Variants in MYCT1 observed in about 807,000 individuals in gnomAD.
The protein encoded by MYCT1 is MYC target 1, also known as myc target protein 1.
Under a neutral mutation model 15.0 loss-of-function variants are expected in MYCT1, and 12 were observed. The observed-to-expected ratio is 0.80, with a 90% CI of 0.51 to 1.29. The LOEUF is 1.29. Among genes scored for constraint, MYCT1 ranks in the 50% most tolerant of loss-of-function variants. The probability of loss-of-function intolerance (pLI) is 0.00; values close to 1 mark genes in which losing one functional copy is unlikely to be tolerated. For synonymous variants in MYCT1, 104 were observed against 102.7 expected (o/e 1.01, Z -0.07); for missense variants, 287 against 279.1 (o/e 1.03, Z -0.20).
At chr6:152,728,164 G>GAGAAAAA (rs796357081), downstream of MYCT1, among the ~76,000 whole-genome samples, 99 of 143,512 alleles carry the variant, frequency 6.9e-4, 1 homozygote, top group African/African-American at 2.4e-3. Flanking sequence ...CCTCTGTCTG[G>GAGAAAAA]AAAAAAAAAA....
downstream of MYCT1, among the ~76,000 whole-genome samples, chr6:152,728,037 G>A (rs549667463): frequency 2.9e-4 from 44 of 151,974 alleles, no homozygotes; most frequent in Non-Finnish European, 6.0e-4. Flanking sequence ...GGTGGTGTGG[G>A]CCTGTAATCC....
chr6:152,733,566 A>G, the MYCT1 span, among the ~76,000 whole-genome samples: 3 of 152,232 alleles, frequency 2.0e-5, no homozygotes, highest in Admixed American at 6.5e-5. Flanking sequence ...ATGAAGTTAT[A>G]TAAAGACAAT....
chr6:152,734,235 G>C, the MYCT1 span, among the ~76,000 whole-genome samples: 8 of 152,176 alleles, frequency 5.3e-5, no homozygotes, highest in Admixed American at 1.3e-4. Context: ...ATGGTTAAAA[G>C]GTTCCCACAT....
At chr6:152,744,843 G>A in the MYCT1 span, among the ~76,000 whole-genome samples, 1 of 152,128 alleles carries the variant, frequency 6.6e-6, no homozygotes, top group South Asian at 2.1e-4. Context: ...GGCGGGAGCT[G>A]GGGGGAGAGC....
chr6:152,725,139 C>A (rs766064054), downstream of MYCT1, among the ~76,000 whole-genome samples: 3 of 150,372 alleles, frequency 2.0e-5, no homozygotes, highest in Non-Finnish European at 3.0e-5. Context: ...ATTTAAAATT[C>A]TGTTCATTAA....
At chr6:152,706,847 ATGTGTGTGTGTG>A (rs4034690) in intron 1 of MYCT1, among the ~76,000 whole-genome samples, 1 of 148,308 alleles carries the variant, frequency 6.7e-6, no homozygotes, top group East Asian at 2.0e-4. Context: ...GAAACCATAT[ATGTGTGTGTGTG>A]TGTGTGTGTG....
rs893651278 is a variant in MYCT1 at position 152,698,820 on chromosome 6, T to C, written c.196+722T>C. 3.3e-5 allele frequency among the ~76,000 whole-genome samples: 5 copies of C among 152,222 alleles called. No individual in the cohort carries two copies. In the East Asian group the frequency reaches 9.6e-4, roughly 29 times the overall value. The stretch of plus-strand genomic sequence containing the variant: ...TACAAAAGTATTTTTTGGAGAATTT[T>C]TTGTCTGAGTCCAGCCACAGCTAAC... On this transcript the variant is annotated intron_variant, in intron 1 of 1. Coordinates refer to ENST00000367245, the MANE Select transcript of MYCT1 (RefSeq NM_025107.3).
intron 1 of MYCT1, among the ~76,000 whole-genome samples, chr6:152,699,974 A>G (rs1197100898): frequency 1.3e-5 from 2 of 152,266 alleles, no homozygotes; most frequent in East Asian, 3.9e-4. Flanking sequence ...AATGAAAACC[A>G]GAAAGGGGAG....
At chr6:152,706,111 A>G in intron 1 of MYCT1, 1 of 1,529,898 alleles carries the variant, frequency 6.5e-7, no homozygotes. Flanking sequence ...AGGTGGTATG[A>G]GAGGTGGCAT....
downstream of MYCT1, among the ~76,000 whole-genome samples, chr6:152,724,940 A>G (rs747702476): frequency 5.3e-5 from 8 of 151,958 alleles, no homozygotes; most frequent in Admixed American, 2.0e-4. Context: ...CTAAATACAT[A>G]ATTACAGAAT....
chr6:152,744,780 A>T, the MYCT1 span, among the ~76,000 whole-genome samples: 2 of 152,222 alleles, frequency 1.3e-5, no homozygotes, highest in Non-Finnish European at 2.9e-5. Context: ...CATAAAGGTC[A>T]GCCTTCAAGG....
At chr6:152,742,281 T>C in the MYCT1 span, among the ~76,000 whole-genome samples, 1 of 152,190 alleles carries the variant, frequency 6.6e-6, no homozygotes, top group African/African-American at 2.4e-5. Flanking sequence ...AATGTTCTAC[T>C]GTAAGCTGAG....
chr6:152,740,305 C>T, the MYCT1 span, among the ~76,000 whole-genome samples: 1 of 152,150 alleles, frequency 6.6e-6, no homozygotes, highest in Non-Finnish European at 1.5e-5. Flanking sequence ...CCACCTCAGC[C>T]TCCCAAAGTG....
Position 152,722,882 on chromosome 6 carries a change from G to T in MYCT1, c.*629G>T, listed in dbSNP as rs918969119. On this transcript the variant is annotated 3_prime_UTR_variant, in exon 2 of 2. Coordinates refer to ENST00000367245, the MANE Select transcript of MYCT1 (RefSeq NM_025107.3). ...GTGCCCCAAGTAGCTGGGACTACAG[G>T]GGTGCACTACCACACCGGGTTGAAT... 9.3e-6 allele frequency: 2 copies of T among 214,352 alleles called. No homozygotes were observed. Among genetic ancestry groups the T allele is most frequent in the South Asian group, 5.7e-5 (1 of 17,400 alleles). 13.3% of individuals were successfully genotyped at this position (214,352 alleles called of 1,614,324 possible). A position where few individuals can be genotyped will look rare whatever the true frequency, so the allele number is the denominator to read the frequency against.
the MYCT1 span, among the ~76,000 whole-genome samples, chr6:152,738,304 T>G: frequency 2.6e-5 from 4 of 152,104 alleles, no homozygotes; most frequent in African/African-American, 9.7e-5. Context: ...TTAACATCTA[T>G]TATACTTTCA....
the MYCT1 span, among the ~76,000 whole-genome samples, chr6:152,731,002 T>C: frequency 0.034 from 5,223 of 152,148 alleles, 284 homozygotes; most frequent in African/African-American, 0.11. Context: ...CAGAAAATAA[T>C]AATGAAAACA....
intron 1 of MYCT1, among the ~76,000 whole-genome samples, chr6:152,703,940 T>TTTTTTATTTTATTTTATTTTA (rs1422135055): frequency 4.1e-5 from 5 of 123,080 alleles, no homozygotes; most frequent in Non-Finnish European, 6.6e-5. Context: ...TTTTCCCTGT[T>TTTTTTATTTTATTTTATTTTA]TTTTATTTTA....
chr6:152,698,409 A>T (rs900563847), intron 1 of MYCT1, among the ~76,000 whole-genome samples: 3 of 152,112 alleles, frequency 2.0e-5, no homozygotes, highest in Non-Finnish European at 4.4e-5. Context: ...TGAGGATAAA[A>T]ATAAAAAACA....
chr6:152,735,372 A>C, the MYCT1 span, among the ~76,000 whole-genome samples: 1 of 152,172 alleles, frequency 6.6e-6, no homozygotes, highest in South Asian at 2.1e-4. Flanking sequence ...ATAATAAATA[A>C]GATCTTATTT....
Sources: allele counts gnomAD v4.1 joint callset (sites outside exome capture counted in the v4.1 genomes callset), GRCh38; gene constraint gnomAD v4.1.1; transcripts MANE v1.5; gene names NCBI Gene and HGNC (gene_info 2026-07-23, HGNC 2026-07-21).